MAGI2: variants seen among roughly 807,000 people sequenced by gnomAD.
MAGI2 encodes membrane-associated guanylate kinase, WW and PDZ domain-containing protein 2.
MAGI2 carries 35 observed loss-of-function variants against 133.3 expected under a neutral mutation model. The ratio of observed to expected loss-of-function variants is 0.26; its 90% CI spans 0.20 to 0.35. MAGI2 has a LOEUF of 0.35. Ranked by LOEUF, MAGI2 falls within the 10% of genes least tolerant of loss-of-function variation. The pLI is 1.00. For missense variants in MAGI2, 1,636 were observed against 1,863.4 expected (o/e 0.88, Z 2.25); for synonymous variants, 729 against 710.6 (o/e 1.03, Z -0.41).
chr7:79,183,007 G>A (rs1826754500), intron 1 of MAGI2, among the ~76,000 whole-genome samples: 1 of 151,860 alleles, frequency 6.6e-6, no homozygotes. Context: ...ATCACATGGA[G>A]GTAGAGTAAA....
intron 1 of MAGI2, among the ~76,000 whole-genome samples, chr7:79,139,225 A>G (rs545351977): frequency 6.6e-6 from 1 of 152,122 alleles, no homozygotes; most frequent in Non-Finnish European, 1.5e-5. Flanking sequence ...AAACAAATAC[A>G]TGTTTGTAAC....
chr7:78,338,102 T>A (rs1232644812), intron 9 of MAGI2, among the ~76,000 whole-genome samples: 3 of 152,222 alleles, frequency 2.0e-5, no homozygotes, highest in Non-Finnish European at 4.4e-5. Flanking sequence ...TGTGATATTT[T>A]GGTTTTTTTA....
chr7:78,736,161 T>A (rs112339444), intron 2 of MAGI2, among the ~76,000 whole-genome samples: 342 of 152,302 alleles, frequency 2.2e-3, no homozygotes, highest in African/African-American at 8.1e-3. Context: ...CTGAAAAGAA[T>A]CACATATTCA....
At chr7:78,583,412 C>T (rs1362689251) in intron 3 of MAGI2, 1 of 200,838 alleles carries the variant, frequency 5.0e-6, no homozygotes, top group Non-Finnish European at 1.1e-5. Flanking sequence ...GAAGGTGAAT[C>T]GCGTGAACCT....
chr7:78,830,703 A>T (rs1018803049), intron 2 of MAGI2, among the ~76,000 whole-genome samples: 1 of 152,186 alleles, frequency 6.6e-6, no homozygotes, highest in Admixed American at 6.5e-5. Flanking sequence ...TGGAACTTAG[A>T]GTGTGATTCA....
chr7:79,106,602 C>T (rs887148134), intron 1 of MAGI2, among the ~76,000 whole-genome samples: 1 of 152,096 alleles, frequency 6.6e-6, no homozygotes, highest in African/African-American at 2.4e-5. Context: ...GTCTTACAAA[C>T]AGTAGCAATC....
At chr7:79,273,267 C>A (rs1423818379) in intron 1 of MAGI2, among the ~76,000 whole-genome samples, 1 of 151,960 alleles carries the variant, frequency 6.6e-6, no homozygotes, top group Non-Finnish European at 1.5e-5. Context: ...GCTGCAATAC[C>A]TCTTTCAAAG....
At chr7:79,157,887 T>G (rs1032665057) in intron 1 of MAGI2, among the ~76,000 whole-genome samples, 1 of 149,362 alleles carries the variant, frequency 6.7e-6, no homozygotes, top group Non-Finnish European at 1.5e-5. Flanking sequence ...CTAGTTAATT[T>G]GTATTTATGT....
At chr7:79,212,492 A>G (rs969324060) in intron 1 of MAGI2, among the ~76,000 whole-genome samples, 2 of 151,920 alleles carry the variant, frequency 1.3e-5, no homozygotes, top group African/African-American at 2.4e-5. Context: ...ATTTCCTCAA[A>G]CTCTTGCCAG....
intron 20 of MAGI2, among the ~76,000 whole-genome samples, chr7:78,116,690 G>A (rs1307614975): frequency 6.6e-6 from 1 of 151,988 alleles, no homozygotes; most frequent in African/African-American, 2.4e-5. Flanking sequence ...ACCAGCCTAG[G>A]CAACGTGGTG....
chr7:78,941,864 C>T (rs922457756), intron 2 of MAGI2, among the ~76,000 whole-genome samples: 6 of 151,738 alleles, frequency 4.0e-5, no homozygotes, highest in African/African-American at 1.5e-4. Flanking sequence ...CTTCAATGGT[C>T]AAATTGTCAC....
intron 20 of MAGI2, among the ~76,000 whole-genome samples, chr7:78,121,338 T>G (rs1230378538): frequency 1.3e-5 from 2 of 151,662 alleles, no homozygotes; most frequent in Admixed American, 6.6e-5. Context: ...TGGCATAAGA[T>G]ATCTGTATCA....
At chr7:78,667,735 G>A (rs938220382) in intron 2 of MAGI2, among the ~76,000 whole-genome samples, 2 of 151,796 alleles carry the variant, frequency 1.3e-5, no homozygotes, top group Non-Finnish European at 2.9e-5. Flanking sequence ...ATTTTTTATG[G>A]CTGCATAGTA....
intron 9 of MAGI2, among the ~76,000 whole-genome samples, chr7:78,323,668 C>T (rs1194340099): frequency 1.3e-5 from 2 of 151,978 alleles, no homozygotes; most frequent in South Asian, 2.1e-4. Flanking sequence ...CCCCATAGAA[C>T]CTAGTTTCAT....
At chr7:78,941,094 T>A (rs539991024) in intron 2 of MAGI2, among the ~76,000 whole-genome samples, 2 of 152,272 alleles carry the variant, frequency 1.3e-5, no homozygotes, top group East Asian at 3.9e-4. Context: ...CATAAGATAA[T>A]TCTTCCCTCC....
chr7:79,215,644 C>G (rs939292754), intron 1 of MAGI2, among the ~76,000 whole-genome samples: 3 of 151,972 alleles, frequency 2.0e-5, no homozygotes, highest in African/African-American at 7.3e-5. Flanking sequence ...TTCCACCTCC[C>G]TGACCCCCTC....
intron 3 of MAGI2, among the ~76,000 whole-genome samples, chr7:78,528,468 C>T (rs963538144): frequency 2.0e-5 from 3 of 151,976 alleles, no homozygotes; most frequent in African/African-American, 7.2e-5. Flanking sequence ...AAACTAGTAC[C>T]AAAAACCATT....
At chr7:78,684,340 C>T (rs1816034017) in intron 2 of MAGI2, among the ~76,000 whole-genome samples, 1 of 152,144 alleles carries the variant, frequency 6.6e-6, no homozygotes, top group African/African-American at 2.4e-5. Context: ...CTAGGAATCA[C>T]AGCCTATGAT....
chr7:79,136,117 GAAA>G (rs1562929520), intron 1 of MAGI2, among the ~76,000 whole-genome samples: 8 of 148,632 alleles, frequency 5.4e-5, no homozygotes, highest in African/African-American at 1.5e-4. Flanking sequence ...AAGAAAGAAA[GAAA>G]GAAAGAAAGA....
Sources: gnomAD v4.1 joint callset for allele counts (sites outside exome capture counted in the v4.1 genomes callset) on GRCh38, gnomAD v4.1.1 for gene constraint, MANE v1.5 for transcripts, NCBI Gene and HGNC (gene_info 2026-07-23, HGNC 2026-07-21) for gene names.